The following PDE4B variants were observed in gnomAD, a reference collection of about 807,000 sequenced individuals.
The protein encoded by PDE4B is 3',5'-cyclic-AMP phosphodiesterase 4B.
Under a neutral mutation model 82.2 loss-of-function variants are expected in PDE4B, and 20 were observed. That is an observed-to-expected ratio of 0.24 (90% CI 0.17 to 0.35). PDE4B has a LOEUF of 0.35. Among genes scored for constraint, PDE4B ranks in the 10% least tolerant of loss-of-function variants. PDE4B has a pLI of 1.00. For synonymous variants in PDE4B, 320 were observed against 318.9 expected (o/e 1.00, Z -0.04); for missense variants, 655 against 907.2 (o/e 0.72, Z 3.57).
chr1:65,930,556 G>A (rs541810861), intron 3 of PDE4B, among the ~76,000 whole-genome samples: 6 of 152,348 alleles, frequency 3.9e-5, no homozygotes, highest in African/African-American at 1.4e-4. Flanking sequence ...ACATCAGTGT[G>A]CCCTGGATGT....
chr1:66,107,699 G>A (rs1570253720), intron 3 of PDE4B, among the ~76,000 whole-genome samples: 3 of 152,022 alleles, frequency 2.0e-5, no homozygotes, highest in African/African-American at 7.2e-5. Context: ...GAGCTTTCAT[G>A]ATTCTAAACC....
chr1:66,312,507 C>A (rs1170387971), intron 7 of PDE4B, among the ~76,000 whole-genome samples: 2 of 152,218 alleles, frequency 1.3e-5, no homozygotes, highest in Non-Finnish European at 2.9e-5. Flanking sequence ...TCTTCTGCTT[C>A]CCTCTTCAGC....
At chr1:66,145,053 A>C (rs60791322) in intron 3 of PDE4B, among the ~76,000 whole-genome samples, 20,006 of 152,206 alleles carry the variant, frequency 0.13, 3,269 homozygotes, top group African/African-American at 0.38. Flanking sequence ...GGTGGCCGTG[A>C]GTAGCAATCT....
At chr1:66,059,919 C>A (rs1655496965) in intron 3 of PDE4B, among the ~76,000 whole-genome samples, 1 of 152,146 alleles carries the variant, frequency 6.6e-6, no homozygotes, top group South Asian at 2.1e-4. Context: ...AAAACAATTT[C>A]TGGCCAAAAT....
chr1:66,348,228 A>G (rs1371964346), intron 8 of PDE4B, among the ~76,000 whole-genome samples: 1 of 152,194 alleles, frequency 6.6e-6, no homozygotes, highest in African/African-American at 2.4e-5. Context: ...TAGCCGTTAT[A>G]CCTGTACAGA....
intron 3 of PDE4B, chr1:66,152,399 A>G: frequency 5.0e-6 from 1 of 201,494 alleles, no homozygotes; most frequent in Non-Finnish European, 1.1e-5. Context: ...CACAAGATGA[A>G]GATGAGCAGG....
intron 3 of PDE4B, among the ~76,000 whole-genome samples, chr1:66,180,227 C>T (rs1179122182): frequency 2.0e-5 from 3 of 151,800 alleles, no homozygotes; most frequent in Admixed American, 6.6e-5. Flanking sequence ...TTAGGAGATA[C>T]GTATGGAGGA....
chr1:66,161,584 TAA>T (rs1352365299), intron 3 of PDE4B, among the ~76,000 whole-genome samples: 1 of 152,174 alleles, frequency 6.6e-6, no homozygotes, highest in African/African-American at 2.4e-5. Flanking sequence ...GTAAATTATT[TAA>T]GTTATGTACC....
chr1:65,887,058 T>C (rs1273240441), intron 1 of PDE4B, among the ~76,000 whole-genome samples: 1 of 152,084 alleles, frequency 6.6e-6, no homozygotes, highest in Admixed American at 6.6e-5. Context: ...TAATAGTCGT[T>C]CAACTGGGTA....
intron 3 of PDE4B, among the ~76,000 whole-genome samples, chr1:65,960,083 A>G (rs1010792465): frequency 5.3e-5 from 8 of 152,072 alleles, no homozygotes; most frequent in Admixed American, 2.6e-4. Flanking sequence ...TTATTATTGC[A>G]TTTGCTATTT....
chr1:66,041,698 C>A (rs2100829478), intron 3 of PDE4B, among the ~76,000 whole-genome samples: 1 of 151,864 alleles, frequency 6.6e-6, no homozygotes, highest in East Asian at 1.9e-4. Flanking sequence ...TGCTTTGTAA[C>A]AGCATTAATC....
intron 7 of PDE4B, among the ~76,000 whole-genome samples, chr1:66,330,525 G>A (rs1440619317): frequency 1.3e-5 from 2 of 152,206 alleles, no homozygotes; most frequent in Admixed American, 1.3e-4. Flanking sequence ...CAAAAGGCTA[G>A]GAGCAAGCTA....
chr1:66,114,991 G>A (rs889019041), intron 3 of PDE4B, among the ~76,000 whole-genome samples: 17 of 152,118 alleles, frequency 1.1e-4, no homozygotes, highest in African/African-American at 2.9e-4. Context: ...CAAAATTGGG[G>A]AGTTTACAAT....
intron 3 of PDE4B, among the ~76,000 whole-genome samples, chr1:65,986,160 A>G (rs899195388): frequency 1.3e-5 from 2 of 152,186 alleles, no homozygotes; most frequent in Non-Finnish European, 2.9e-5. Context: ...TCATATATTT[A>G]ACTGCTAAAT....
intron 1 of PDE4B, among the ~76,000 whole-genome samples, chr1:65,858,337 A>T (rs539861069): frequency 6.6e-6 from 1 of 152,318 alleles, no homozygotes; most frequent in Non-Finnish European, 1.5e-5. Flanking sequence ...AGCCTATTTT[A>T]TTCACATGAA....
At chr1:66,221,895 C>CTTT (rs68051259) in intron 3 of PDE4B, among the ~76,000 whole-genome samples, 1 of 113,388 alleles carries the variant, frequency 8.8e-6, no homozygotes, top group Admixed American at 1.0e-4. Context: ...AGTGTATTGA[C>CTTT]TTTTTTTTTT....
chr1:66,114,957 A>G (rs1645566363), intron 3 of PDE4B, among the ~76,000 whole-genome samples: 1 of 152,134 alleles, frequency 6.6e-6, no homozygotes, highest in Non-Finnish European at 1.5e-5. Flanking sequence ...ATGGAGTTGA[A>G]TTTTATCCAG....
At chr1:66,128,349 A>T (rs1645866251) in intron 3 of PDE4B, among the ~76,000 whole-genome samples, 1 of 152,202 alleles carries the variant, frequency 6.6e-6, no homozygotes, top group African/African-American at 2.4e-5. Context: ...GTATTTGTGT[A>T]ATTTTCATTG....
At chr1:65,970,167 A>G (rs1650054094) in intron 3 of PDE4B, among the ~76,000 whole-genome samples, 1 of 151,972 alleles carries the variant, frequency 6.6e-6, no homozygotes, top group South Asian at 2.1e-4. Flanking sequence ...TAGTGGTTTA[A>G]AATATATTTA....
Sources: gnomAD v4.1 joint callset for allele counts (sites outside exome capture counted in the v4.1 genomes callset) on GRCh38, gnomAD v4.1.1 for gene constraint, MANE v1.5 for transcripts, NCBI Gene and HGNC (gene_info 2026-07-23, HGNC 2026-07-21) for gene names.